GRIK1: variants seen among roughly 807,000 people sequenced by gnomAD.
GRIK1 encodes the protein glutamate ionotropic receptor kainate type subunit 1.
GRIK1 carries 69 observed loss-of-function variants against 105.7 expected under a neutral mutation model. That is an observed-to-expected ratio of 0.65 (90% CI 0.54 to 0.80). The LOEUF (loss-of-function observed/expected upper bound fraction) is 0.80, where lower values mean the gene tolerates loss of function less well. GRIK1 is among the 30% of genes least tolerant of loss of function. The pLI, the probability that GRIK1 is intolerant of heterozygous loss-of-function variation, is 0.00. For missense variants in GRIK1, 1,109 were observed against 1,167.3 expected (o/e 0.95, Z 0.73); for synonymous variants, 438 against 431.3 (o/e 1.02, Z -0.19).
chr21:29,623,700 A>G (rs1277680714), intron 7 of GRIK1, among the ~76,000 whole-genome samples: 3 of 152,226 alleles, frequency 2.0e-5, no homozygotes, highest in Admixed American at 6.5e-5. Context: ...TTCATAAGCT[A>G]TAATTAATTT....
intron 1 of GRIK1, among the ~76,000 whole-genome samples, chr21:29,852,789 C>A (rs1199186703): frequency 6.6e-6 from 1 of 152,148 alleles, no homozygotes; most frequent in African/African-American, 2.4e-5. Context: ...CATCTTGGCA[C>A]TTGTGTCAAA....
At chr21:29,917,435 T>C (rs931335074) in intron 1 of GRIK1, among the ~76,000 whole-genome samples, 73 of 152,140 alleles carry the variant, frequency 4.8e-4, no homozygotes, top group African/African-American at 1.7e-3. Context: ...ATTTTAAACA[T>C]AACAATTTAT....
At chr21:29,570,812 T>C (rs1312428911) in intron 14 of GRIK1, among the ~76,000 whole-genome samples, 1 of 150,476 alleles carries the variant, frequency 6.6e-6, no homozygotes, top group Non-Finnish European at 1.5e-5. Flanking sequence ...TTAATAAGCA[T>C]CATTAGCTGA....
At chr21:29,683,064 A>G (rs2063413299) in intron 3 of GRIK1, among the ~76,000 whole-genome samples, 1 of 152,250 alleles carries the variant, frequency 6.6e-6, no homozygotes, top group Admixed American at 6.5e-5. Context: ...AGAGAAATGC[A>G]GATGAAAACT....
At chr21:29,708,715 G>A (rs1311064949) in intron 1 of GRIK1, among the ~76,000 whole-genome samples, 1 of 152,134 alleles carries the variant, frequency 6.6e-6, no homozygotes, top group Non-Finnish European at 1.5e-5. Context: ...CTGGGACGTT[G>A]GAGCAGAGCC....
chr21:29,636,536 T>C (rs187346240), intron 7 of GRIK1, among the ~76,000 whole-genome samples: 44 of 152,332 alleles, frequency 2.9e-4, no homozygotes, highest in African/African-American at 1.0e-3. Context: ...GGAGAATTTG[T>C]TGATATGGAG....
At chr21:29,689,198 C>A (rs529641471) in intron 3 of GRIK1, among the ~76,000 whole-genome samples, 3 of 152,144 alleles carry the variant, frequency 2.0e-5, no homozygotes, top group African/African-American at 7.2e-5. Flanking sequence ...TATTTCCATC[C>A]TGCACCCTGA....
intron 14 of GRIK1, among the ~76,000 whole-genome samples, chr21:29,564,283 G>T (rs940769016): frequency 6.6e-6 from 1 of 151,236 alleles, no homozygotes; most frequent in Non-Finnish European, 1.5e-5. Context: ...AAGTAGCTGG[G>T]ACTACAGGCG....
chr21:29,930,868 G>T (rs1161539701), intron 1 of GRIK1, among the ~76,000 whole-genome samples: 1 of 152,180 alleles, frequency 6.6e-6, no homozygotes, highest in African/African-American at 2.4e-5. Flanking sequence ...GTAGCATGTT[G>T]TATGGAATGA....
At chr21:29,828,003 GTC>G (rs1210293030) in intron 1 of GRIK1, among the ~76,000 whole-genome samples, 18 of 56,508 alleles carry the variant, frequency 3.2e-4, no homozygotes, top group East Asian at 1.1e-3. Context: ...CTCTCTCTCT[GTC>G]TCTCTCTGTG....
chr21:29,754,452 G>A lies in GRIK1; in HGVS notation c.119-60389C>T, dbSNP rs147363754. Among the ~76,000 whole-genome samples the A allele has an allele frequency of 6.0e-3, 918 of 152,252 alleles. 4 individuals carry two copies. Among genetic ancestry groups the A allele is most frequent in the African/African-American group, 0.021 (870 of 41,550 alleles). On this transcript the variant is annotated intron_variant, in intron 1 of 17. Transcript: ENST00000327783. Reference sequence around the variant, plus strand: ...CAAATAATCACGTGTTCAAATCCTGGTTCCTACTATTTAGTTGAGTTACAC... The same window carrying A: ...CAAATAATCACGTGTTCAAATCCTGATTCCTACTATTTAGTTGAGTTACAC...
At chr21:29,810,793 A>G (rs917929675) in intron 1 of GRIK1, among the ~76,000 whole-genome samples, 3 of 152,178 alleles carry the variant, frequency 2.0e-5, no homozygotes, top group African/African-American at 7.2e-5. Context: ...TTTCAGCCCC[A>G]CCACCTTGAA....
At chr21:29,851,758 G>C (rs2068312126) in intron 1 of GRIK1, among the ~76,000 whole-genome samples, 1 of 133,992 alleles carries the variant, frequency 7.5e-6, no homozygotes, top group African/African-American at 3.1e-5. Context: ...ACATTTCCAA[G>C]AAGAGCGTCT....
At chr21:29,890,171 C>T (rs983341072) in intron 1 of GRIK1, among the ~76,000 whole-genome samples, 2 of 152,118 alleles carry the variant, frequency 1.3e-5, no homozygotes, top group African/African-American at 2.4e-5. Context: ...TTCTGATTTT[C>T]CTCAGTGTCC....
intron 12 of GRIK1, among the ~76,000 whole-genome samples, chr21:29,586,447 T>C (rs750035762): frequency 1.2e-4 from 18 of 152,164 alleles, no homozygotes; most frequent in Non-Finnish European, 2.4e-4. Context: ...AGAGCTAGCA[T>C]GAAGAAATAT....
At chr21:29,553,374 C>G in intron 16 of GRIK1, 1 of 1,241,060 alleles carries the variant, frequency 8.1e-7, no homozygotes, top group Non-Finnish European at 1.0e-6. Flanking sequence ...GCCCCTGCTT[C>G]AACATACAGT....
intron 1 of GRIK1, among the ~76,000 whole-genome samples, chr21:29,790,021 G>T (rs1025674513): frequency 6.6e-6 from 1 of 152,122 alleles, no homozygotes. Context: ...ACATGTTCAC[G>T]TAAGTCTCCT....
At chr21:29,873,956 G>A in intron 1 of GRIK1, among the ~76,000 whole-genome samples, 1 of 152,242 alleles carries the variant, frequency 6.6e-6, no homozygotes, top group South Asian at 2.1e-4. Context: ...TCTCGTGAGG[G>A]GCGCACAACC....
chr21:29,742,488 A>C (rs2064954564), intron 1 of GRIK1, among the ~76,000 whole-genome samples: 1 of 152,212 alleles, frequency 6.6e-6, no homozygotes, highest in Admixed American at 6.5e-5. Context: ...CTCAGAGAAA[A>C]GAGCCTAGCT....
Sources: allele counts gnomAD v4.1 joint callset (sites outside exome capture counted in the v4.1 genomes callset), GRCh38; gene constraint gnomAD v4.1.1; transcripts MANE v1.5; gene names NCBI Gene and HGNC (gene_info 2026-07-23, HGNC 2026-07-21).